The following XPR1 variants were observed in gnomAD, a reference collection of about 807,000 sequenced individuals.
The protein encoded by XPR1 is solute carrier family 53 member 1.
Under a neutral mutation model 87.5 loss-of-function variants are expected in XPR1, and 28 were observed. The observed-to-expected ratio is 0.32, with a 90% confidence interval of 0.24 to 0.44. The LOEUF (loss-of-function observed/expected upper bound fraction) is 0.44, where lower values mean the gene tolerates loss of function less well. Among genes scored for constraint, XPR1 ranks in the 20% least tolerant of loss-of-function variants. The pLI, the probability that XPR1 is intolerant of heterozygous loss-of-function variation, is 1.00. For synonymous variants in XPR1, 300 were observed against 306.1 expected, an observed-to-expected ratio of 0.98 and a Z score of 0.21; for missense variants, 559 against 862.3, an observed-to-expected ratio of 0.65 and a Z score of 4.41.
At position 180,824,047 on chromosome 1, in the gene XPR1, TCC is replaced by T. The variant is rs1401287013; in HGVS notation, c.764-705_764-704del. 2.0e-5 allele frequency among the ~76,000 whole-genome samples: 3 copies of T among 152,320 alleles called. No homozygotes were observed. In the East Asian group the frequency reaches 5.8e-4, roughly 29 times the overall value. On this transcript the variant is annotated intron_variant, in intron 7 of 14. Transcript: ENST00000367590. ...ACTCTGTGAGGTAGATATTACTATATCCAGTTTAATAATGGAGTAAATGAAGC... is the reference window on the plus strand; with the variant it reads ...ACTCTGTGAGGTAGATATTACTATATAGTTTAATAATGGAGTAAATGAAGC...
At chr1:180,648,882 C>T (rs191398722) in intron 1 of XPR1, among the ~76,000 whole-genome samples, 5 of 152,220 alleles carry the variant, frequency 3.3e-5, no homozygotes, top group African/African-American at 1.2e-4. Context: ...TACATCTGTT[C>T]CTTTCATCTC....
intron 2 of XPR1, among the ~76,000 whole-genome samples, chr1:180,733,645 A>G (rs1658631605): frequency 6.6e-6 from 1 of 152,244 alleles, no homozygotes; most frequent in Non-Finnish European, 1.5e-5. Flanking sequence ...AAGAAGTAAA[A>G]GGAACCTATT....
At chr1:180,763,105 C>T (rs758528038) in intron 2 of XPR1, among the ~76,000 whole-genome samples, 6 of 152,084 alleles carry the variant, frequency 3.9e-5, no homozygotes, top group Admixed American at 6.6e-5. Flanking sequence ...GTGTTTATGC[C>T]GTGGAATTCC....
chr1:180,685,353 A>G (rs998807339), intron 2 of XPR1, among the ~76,000 whole-genome samples: 4 of 152,172 alleles, frequency 2.6e-5, no homozygotes, highest in Non-Finnish European at 4.4e-5. Flanking sequence ...ATCATGGTGG[A>G]TAAGCTTTTT....
intron 11 of XPR1, among the ~76,000 whole-genome samples, chr1:180,856,568 AT>A (rs537483141): frequency 6.6e-6 from 1 of 151,928 alleles, no homozygotes; most frequent in African/African-American, 2.4e-5. Flanking sequence ...AAATAAACTC[AT>A]TTTTTTTCCT....
Position 180,695,408 on chromosome 1 carries a change from TTGTGTGTG to T in XPR1, c.121+13023_121+13030del, listed in dbSNP as rs1205037869. 1.9e-3 allele frequency among the ~76,000 whole-genome samples: 280 copies of T among 148,544 alleles called. 1 individual carries two copies. Among genetic ancestry groups the T allele is most frequent in the African/African-American group, 5.8e-3 (235 of 40,622 alleles). On this transcript the variant is annotated intron_variant, in intron 2 of 14. Transcript: ENST00000367590. ...GCCTTTTAGTTTAATGTAGTCCCAT[TTGTGTGTG>T]TGTGTGTGTGTGTGTGTGTGTGTGT...
intron 2 of XPR1, among the ~76,000 whole-genome samples, chr1:180,719,239 G>T (rs1004645668): frequency 6.6e-6 from 1 of 152,136 alleles, no homozygotes; most frequent in Non-Finnish European, 1.5e-5. Flanking sequence ...AAATGTTTAT[G>T]TGATAATTTC....
chr1:180,698,965 T>C (rs572274508), intron 2 of XPR1, among the ~76,000 whole-genome samples: 1 of 152,328 alleles, frequency 6.6e-6, no homozygotes, highest in South Asian at 2.1e-4. Flanking sequence ...CTTTTGATAG[T>C]TTGACTATAA....
intron 2 of XPR1, among the ~76,000 whole-genome samples, chr1:180,768,033 A>G (rs1457316013): frequency 6.6e-6 from 1 of 151,964 alleles, no homozygotes; most frequent in Non-Finnish European, 1.5e-5. Context: ...TTTAGTAAAG[A>G]CACGGTTTCA....
At chr1:180,882,890 A>T (rs1161289822) in intron 14 of XPR1, among the ~76,000 whole-genome samples, 1 of 152,028 alleles carries the variant, frequency 6.6e-6, no homozygotes, top group African/African-American at 2.4e-5. Flanking sequence ...TTGGTTTCTC[A>T]TGTATGCCTC....
At chr1:180,755,688 C>A (rs894064268) in intron 2 of XPR1, among the ~76,000 whole-genome samples, 1 of 152,188 alleles carries the variant, frequency 6.6e-6, no homozygotes, top group Admixed American at 6.6e-5. Context: ...TATTTCTTAA[C>A]CTTTAACATT....
At chr1:180,855,436 G>T (rs1651994459) in intron 11 of XPR1, among the ~76,000 whole-genome samples, 1 of 152,136 alleles carries the variant, frequency 6.6e-6, no homozygotes, top group South Asian at 2.1e-4. Context: ...GGAGGCCCAG[G>T]AGGGCAGATT....
chr1:180,637,814 A>C (rs1298197839), intron 1 of XPR1, among the ~76,000 whole-genome samples: 3 of 152,186 alleles, frequency 2.0e-5, no homozygotes, highest in African/African-American at 2.4e-5. Context: ...TCAGCCTCCC[A>C]AAGTGCTGGG....
intron 2 of XPR1, among the ~76,000 whole-genome samples, chr1:180,693,180 C>T (rs1360156497): frequency 6.6e-6 from 1 of 152,192 alleles, no homozygotes; most frequent in Non-Finnish European, 1.5e-5. Flanking sequence ...CTGAAGTAGA[C>T]ATTAGAAAGC....
At chr1:180,731,156 A>G (rs1048214968) in intron 2 of XPR1, among the ~76,000 whole-genome samples, 15 of 152,200 alleles carry the variant, frequency 9.9e-5, no homozygotes, top group African/African-American at 2.7e-4. Flanking sequence ...GCACCATTCA[A>G]TAGAAATACA....
rs906365046 is a variant in XPR1, at chr1:180,710,702, A to G, written c.121+28291A>G. On this transcript the variant is annotated intron_variant, in intron 2 of 14. Transcript: ENST00000367590. Reference sequence around the variant, plus strand: ...CCATTGTCATCATGGCCTGCTCTCAATGAGCTGTTGGGTACACCTCCCAGA... The same window carrying G: ...CCATTGTCATCATGGCCTGCTCTCAGTGAGCTGTTGGGTACACCTCCCAGA... 1.5e-4 allele frequency among the ~76,000 whole-genome samples: 23 copies of G among 152,348 alleles called. No homozygotes were observed. In the East Asian group the frequency reaches 4.4e-3, roughly 29 times the overall value.
intron 2 of XPR1, among the ~76,000 whole-genome samples, chr1:180,762,705 AT>A (rs1557995731): frequency 6.6e-6 from 1 of 152,242 alleles, no homozygotes; most frequent in African/African-American, 2.4e-5. Flanking sequence ...GAACAAGTCT[AT>A]AATGCTAATG....
chr1:180,874,009 A>G, intron 13 of XPR1, 67 bp downstream of exon 13: 3 of 1,430,932 alleles, frequency 2.1e-6, no homozygotes, highest in Non-Finnish European at 2.8e-6. Flanking sequence ...ATACTTACAA[A>G]TTAGAATTTA....
intron 2 of XPR1, among the ~76,000 whole-genome samples, chr1:180,706,097 G>A (rs1264124583): frequency 6.6e-6 from 1 of 152,200 alleles, no homozygotes; most frequent in Non-Finnish European, 1.5e-5. Flanking sequence ...CTGGAGAATA[G>A]TTAGCTGTAT....
Sources: gnomAD v4.1 joint callset for allele counts (sites outside exome capture counted in the v4.1 genomes callset) on GRCh38, gnomAD v4.1.1 for gene constraint, MANE v1.5 for transcripts, NCBI Gene and HGNC (gene_info 2026-07-23, HGNC 2026-07-21) for gene names.